Variants in OPLAH observed in about 807,000 individuals in gnomAD.
The protein encoded by OPLAH is 5-oxoprolinase, ATP-hydrolysing.
OPLAH carries 103 observed loss-of-function variants against 122.8 expected under a neutral mutation model. The observed-to-expected ratio is 0.84, with a 90% CI of 0.71 to 0.99. The LOEUF (loss-of-function observed/expected upper bound fraction) is 0.99. Among genes scored for constraint, OPLAH ranks in the 50% least tolerant of loss-of-function variants. The pLI, the probability that OPLAH is intolerant of heterozygous loss-of-function variation, is 0.00. For synonymous variants in OPLAH, 875 were observed against 796.0 expected, an observed-to-expected ratio of 1.10 and a Z score of -1.67; for missense variants, 1,902 against 1,836.5, an observed-to-expected ratio of 1.04 and a Z score of -0.65.
chr8:144,058,969 G>A lies in OPLAH; in HGVS notation c.463+11C>T, dbSNP rs781934210. ...CGGCCCCAAATCCCACAGCAGCGGC[G>A]GCACACACACCTTTCACAGGCGTCC... On this transcript the variant is annotated intron_variant, in intron 4 of 26. Coordinates refer to ENST00000618853, the MANE Select transcript of OPLAH (RefSeq NM_017570.5). 65 of 1,560,694 alleles carry A rather than the reference G, an allele frequency of 4.2e-5. No individual in the cohort carries two copies. The highest frequency in any genetic ancestry group is 1.8e-4 in the African/African-American group (13 of 73,328).
chr8:144,058,374 C>T lies in OPLAH; in HGVS notation c.814G>A (p.Gly272Ser). 1.3e-6 allele frequency: 2 copies of T among 1,592,146 alleles called. No homozygotes were observed. The highest frequency in any genetic ancestry group is 1.7e-6 in the Non-Finnish European group (2 of 1,173,520). ...DVQVLFMRSD[G>S]GLAPMDTFSG... ...AAGGTGTCCATGGGCGCCAGGCCGC[C>T]ATCGGAGCGCATGAACAACACCTGC... is the stretch of plus-strand genomic sequence containing the variant. The change falls in exon 7 of 27, where the codon GGC (glycine) becomes AGC (serine). Residue 272 changes from glycine (G) to serine (S), a missense_variant. By Grantham distance (56) the Gly-to-Ser change is moderately conservative. Transcript: ENST00000618853.
rs782296310 is a variant in OPLAH at position 144,052,804 on chromosome 8, G to C, written c.3115C>G (p.Leu1039Val). ...ATGTCGCGGCCCACCAGACAGCGCAGGCAGTAGATGAGGGCGGACAGGGTT... is the reference window on the plus strand; with the variant it reads ...ATGTCGCGGCCCACCAGACAGCGCACGCAGTAGATGAGGGCGGACAGGGTT... ...AVTLSALIYC[L>V]RCLVGRDIPL... The change falls in exon 22 of 27, where the codon CTG becomes GTG. Residue 1039 changes from leucine to valine, a missense_variant. Around this residue, in one of 3 missense-constraint regions of OPLAH, gnomAD observed 1,726 missense variants for 1,642.1 expected, o/e 1.05. Coordinates refer to ENST00000618853, the MANE Select transcript of OPLAH (RefSeq NM_017570.5). 11 of 1,562,882 alleles carry C rather than the reference G, an allele frequency of 7.0e-6. No homozygotes were observed. The South Asian group carries it at 8.2e-5, about 12-fold the overall frequency.
intron 3 of OPLAH, 105 bp downstream of exon 3, chr8:144,059,494 G>T: frequency 3.3e-6 from 4 of 1,200,598 alleles, no homozygotes; most frequent in Non-Finnish European, 4.6e-6. Flanking sequence ...GTCGGCTGGT[G>T]CCCATGAGCC....
rs531582216 is a variant in OPLAH, at chr8:144,054,950, G to A, written c.2410-37C>T. On this transcript the variant is annotated intron_variant, in intron 17 of 26. Transcript: ENST00000618853. ...AGATGGGTGCAGAGTGGGCACAGGG[G>A]AGCAGGGGCCAGAGCGGGGTGGGGG... is the stretch of plus-strand genomic sequence containing the variant. The A allele has an allele frequency of 7.8e-6, 10 of 1,288,702 alleles. No individual in the cohort carries two copies. The South Asian group carries it at 1.2e-4, about 15-fold the overall frequency. The allele number at this position is 1,288,702 out of a possible 1,614,324, so 79.8% of individuals were successfully genotyped here. A position where few individuals can be genotyped will look rare whatever the true frequency, so the allele number is the denominator to read the frequency against.
intron 7 of OPLAH, 35 bp from the exon 8 acceptor site, chr8:144,058,183 G>A: frequency 1.2e-6 from 2 of 1,609,762 alleles, no homozygotes; most frequent in Non-Finnish European, 1.7e-6. Context: ...GTCACTTGAA[G>A]ACCCAGGGGC....
Position 144,057,494 on chromosome 8 carries a change from C to G in OPLAH, c.1376G>C (p.Arg459Pro), listed in dbSNP as rs368656620. 1.3e-6 allele frequency: 2 copies of G among 1,597,040 alleles called. No individual in the cohort carries two copies. The highest frequency in any genetic ancestry group is 2.3e-5 in the South Asian group (2 of 88,832). ...SLEEVAMGFV[R>P]VANEAMCRPI... ...CCGGCACATGGCCTCGTTGGCCACG[C>G]GCACGAACCCCATGGCCACCTCCTC... Residue 459 changes from arginine to proline, a missense_variant, in exon 10 of 27, where the codon CGC becomes CCC. Coordinates refer to ENST00000618853, the MANE Select transcript of OPLAH (RefSeq NM_017570.5).
chr8:144,052,655 ACCCCACCCCCCG>A (rs1835412655), intron 22 of OPLAH, 57 bp from the exon 23 acceptor site: 16 of 1,532,682 alleles, frequency 1.0e-5, no homozygotes, highest in Non-Finnish European at 1.4e-5. Context: ...GAGAAACAGC[ACCCCACCCCCCG>A]CCCCAGCACC....
chr8:144,058,974 A>G lies in OPLAH; in HGVS notation c.463+6T>C. 6.4e-7 allele frequency: 1 copy of G among 1,562,426 alleles called. No individual in the cohort carries two copies. Among genetic ancestry groups the G allele is most frequent in the South Asian group, 1.2e-5 (1 of 84,926 alleles). ...CCAAATCCCACAGCAGCGGCGGCAC[A>G]CACACCTTTCACAGGCGTCCCGGTG... On this transcript the variant is annotated splice_donor_region_variant and intron_variant, in intron 4 of 26. Coordinates refer to ENST00000618853, the MANE Select transcript of OPLAH (RefSeq NM_017570.5).
rs782572129 is a variant in OPLAH, at chr8:144,058,083, C to T, written c.1015G>A (p.Gly339Ser). ...AGCTGCGGGGCCTGGAGGGTGACGC[C>T]AGCTGTGCTGGCCTCGAAGACGTGC... ...FEHVFEASTAGVTLQAPQLDI... is the reference protein window; with the variant it reads ...FEHVFEASTASVTLQAPQLDI... Residue 339 changes from glycine to serine, a missense_variant, in exon 8 of 27, where the codon GGC becomes AGC. Gly to Ser is a moderately conservative substitution (Grantham distance 56). Transcript: ENST00000618853. 6.2e-7 allele frequency: 1 copy of T among 1,612,526 alleles called. No individual in the cohort carries two copies. The highest frequency in any genetic ancestry group is 8.5e-7 in the Non-Finnish European group (1 of 1,179,806).
In OPLAH at chr8:144,052,825, GGGTTAC is replaced by G. The variant is rs1835418196; in HGVS notation, c.3088_3093del (p.Val1030_Thr1031del). On this transcript the variant is annotated inframe_deletion, in exon 22 of 27. Transcript: ENST00000618853. ...CGCAGGCAGTAGATGAGGGCGGACA[GGGTTAC>G]GGCCCGCGGTGCGTTGAGATTACCA... The G allele has an allele frequency of 6.4e-7, 1 of 1,559,270 alleles. No individual in the cohort carries two copies. The highest frequency in any genetic ancestry group is 1.9e-5 in the Admixed American group (1 of 51,930).
upstream of OPLAH, among the ~76,000 whole-genome samples, chr8:144,063,377 G>T (rs1835693784): frequency 6.6e-6 from 1 of 152,232 alleles, no homozygotes; most frequent in African/African-American, 2.4e-5. This position sits in a 1 kb window ranked among gnomAD's most constrained non-coding sequence, Gnocchi z 4.2. Context: ...CCAGGGATAT[G>T]GCTGTCCCCA....
chr8:144,055,538 C>T lies in OPLAH; in HGVS notation c.2248+250G>A, dbSNP rs1835490882. Among the ~76,000 whole-genome samples the T allele has an allele frequency of 6.6e-6, 1 of 152,136 alleles. No homozygotes were observed. The highest frequency in any genetic ancestry group is 1.5e-5 in the Non-Finnish European group (1 of 67,992). Reference sequence around the variant, plus strand: ...TGCACAGATGGGTTCCCTGTGCTGTCCTCAGTATCCCTTCCTTAGCTAGGA... The same window carrying T: ...TGCACAGATGGGTTCCCTGTGCTGTTCTCAGTATCCCTTCCTTAGCTAGGA... On this transcript the variant is annotated intron_variant, in intron 16 of 26. Coordinates refer to ENST00000618853, the MANE Select transcript of OPLAH (RefSeq NM_017570.5). This position sits in a 1 kb window ranked among gnomAD's most constrained non-coding sequence, Gnocchi z 6.5.
upstream of OPLAH, among the ~76,000 whole-genome samples, chr8:144,062,371 T>C (rs936191352): frequency 6.6e-6 from 1 of 152,040 alleles, no homozygotes; most frequent in Non-Finnish European, 1.5e-5. Flanking sequence ...CCCATGCCCA[T>C]GGACCTCCTA....
chr8:144,052,904 C>T lies in OPLAH; in HGVS notation c.3019-4G>A. The stretch of plus-strand genomic sequence containing the variant: ...TGAAGTCAAACACGGCGCTGCCCTG[C>T]GCGCCCCGAGGGAAGGGAGAGGCTG... On this transcript the variant is annotated splice_region_variant and splice_polypyrimidine_tract_variant and intron_variant, in intron 21 of 26. Transcript: ENST00000618853. 6.4e-7 allele frequency: 1 copy of T among 1,558,126 alleles called. No homozygotes were observed.
chr8:144,051,929 T>C lies in OPLAH; in HGVS notation c.3609A>G (p.Pro1203=), dbSNP rs782529751. Residue 1203 remains proline, a synonymous_variant, in exon 25 of 27, where the codon CCA becomes CCG. Transcript: ENST00000618853. ...GGAACCGCGCACCGTGGAGCCCGTA[T>C]GGCCGGAAGGCGCGGCGCTCGGTCA... The part of the protein sequence containing the change: ...SVLTERRAFR[P]YGLHGGEPGA... The C allele has an allele frequency of 1.5e-5, 23 of 1,537,452 alleles. No individual in the cohort carries two copies. The highest frequency in any genetic ancestry group is 2.2e-4 in the Middle Eastern group (1 of 4,516).
In OPLAH at chr8:144,057,389, G is replaced by A. The variant is rs782480446; in HGVS notation, c.1422+59C>T. The A allele has an allele frequency of 2.5e-6, 4 of 1,583,842 alleles. No individual in the cohort carries two copies. The African/African-American group carries it at 5.4e-5, about 21-fold the overall frequency. On this transcript the variant is annotated intron_variant, in intron 10 of 26. Coordinates refer to ENST00000618853, the MANE Select transcript of OPLAH (RefSeq NM_017570.5). ...ATCCAGCCCCCAGCCTGAGCAGGAG[G>A]CCTGGGGCAGGGAGCAGGGCTGGGG...
chr8:144,054,096 C>T (rs1213129936), intron 19 of OPLAH, among the ~76,000 whole-genome samples: 3 of 151,664 alleles, frequency 2.0e-5, no homozygotes, highest in African/African-American at 4.8e-5. Flanking sequence ...CCTCTCTGCA[C>T]GTGGGCACAG....
Position 144,058,371 on chromosome 8 carries a change from C to T in OPLAH, c.817G>A (p.Gly273Ser), listed in dbSNP as rs782049753. ...VQVLFMRSDGGLAPMDTFSGS... is the reference protein window; with the variant it reads ...VQVLFMRSDGSLAPMDTFSGS... ...CTGAAGGTGTCCATGGGCGCCAGGC[C>T]GCCATCGGAGCGCATGAACAACACC... The change falls in exon 7 of 27, where the codon GGC (glycine) becomes AGC (serine). Residue 273 changes from glycine to serine, a missense_variant. Transcript: ENST00000618853. 31 of 1,593,540 alleles carry T rather than the reference C, an allele frequency of 1.9e-5. No individual in the cohort carries two copies. Among genetic ancestry groups the T allele is most frequent in the South Asian group, 1.5e-4 (13 of 89,636 alleles).
Position 144,057,630 on chromosome 8 carries a change from C to T in OPLAH, c.1240G>A (p.Glu414Lys), listed in dbSNP as rs782007739. Residue 414 changes from glutamate to lysine, a missense_variant, in exon 10 of 27, where the codon GAG becomes AAG. This residue lies in a region of OPLAH where 1,726 missense variants were observed against 1,642.1 expected (regional missense o/e 1.05). Coordinates refer to ENST00000618853, the MANE Select transcript of OPLAH (RefSeq NM_017570.5). ...GCCTCAGGGGAAAGTGGTTGGTTCT[C>T]TCCCGGCCCAAAAATGCAGGGGAAG... is the stretch of plus-strand genomic sequence containing the variant. ...ASFPCIFGPGENQPLSPEASR... is the reference protein window; with the variant it reads ...ASFPCIFGPGKNQPLSPEASR... 6.9e-6 allele frequency: 11 copies of T among 1,601,542 alleles called. No homozygotes were observed. The highest frequency in any genetic ancestry group is 1.7e-5 in the Admixed American group (1 of 58,630).
Sources: allele counts gnomAD v4.1 joint callset (sites outside exome capture counted in the v4.1 genomes callset), GRCh38; gene constraint gnomAD v4.1.1; regional missense constraint gnomAD v4.1.1; non-coding constraint Gnocchi (gnomAD v3.1); transcripts MANE v1.5; gene names NCBI Gene and HGNC (gene_info 2026-07-23, HGNC 2026-07-21).